FOCAD: variants seen among roughly 807,000 people sequenced by gnomAD.
FOCAD encodes KIAA1797.
Under a neutral mutation model 225.6 loss-of-function variants are expected in FOCAD, and 198 were observed. That is an observed-to-expected ratio of 0.88 (90% confidence interval 0.78 to 0.99). The LOEUF is 0.99. Ranked by LOEUF, FOCAD falls within the 50% of genes least tolerant of loss-of-function variation. The pLI, the probability that FOCAD is intolerant of heterozygous loss-of-function variation, is 0.00. For missense variants in FOCAD, 2,713 were observed against 2,123.6 expected (o/e 1.28, Z -5.46); for synonymous variants, 897 against 755.0 (o/e 1.19, Z -3.08).
intron 10 of FOCAD, among the ~76,000 whole-genome samples, chr9:20,785,234 A>G (rs1333391736): frequency 1.3e-5 from 2 of 152,196 alleles, no homozygotes; most frequent in Non-Finnish European, 2.9e-5. Flanking sequence ...TAATAGCTTT[A>G]TTGAAATGTA....
chr9:20,904,990 A>G (rs1449043902), intron 21 of FOCAD, among the ~76,000 whole-genome samples: 1 of 152,184 alleles, frequency 6.6e-6, no homozygotes, highest in East Asian at 1.9e-4. Flanking sequence ...AAAAATGGTC[A>G]GGGAAGTCCT....
At chr9:20,671,360 C>T (rs1822058174) in intron 2 of FOCAD, among the ~76,000 whole-genome samples, 1 of 152,090 alleles carries the variant, frequency 6.6e-6, no homozygotes, top group Admixed American at 6.5e-5. Flanking sequence ...TTCACTTCTC[C>T]AATTATTGTG....
intron 3 of FOCAD, 47 bp from the exon 4 acceptor site, chr9:20,720,333 G>A (rs1400678296): frequency 1.3e-6 from 2 of 1,586,846 alleles, no homozygotes; most frequent in Non-Finnish European, 1.7e-6. Flanking sequence ...GTGTGTGTGT[G>A]TTTGCTGCTC....
At chr9:20,753,597 T>C (rs1006155264) in intron 5 of FOCAD, among the ~76,000 whole-genome samples, 3 of 152,034 alleles carry the variant, frequency 2.0e-5, no homozygotes, top group African/African-American at 7.2e-5. Flanking sequence ...TCAATGTTCA[T>C]CAAGGATATT....
At chr9:20,809,537 C>G (rs1015884809) in intron 11 of FOCAD, among the ~76,000 whole-genome samples, 2 of 152,124 alleles carry the variant, frequency 1.3e-5, no homozygotes, top group Non-Finnish European at 2.9e-5. Context: ...TCTCTCTCTT[C>G]TTCTGAACAA....
intron 5 of FOCAD, among the ~76,000 whole-genome samples, chr9:20,744,802 A>G (rs529680835): frequency 1.4e-4 from 22 of 152,306 alleles, no homozygotes; most frequent in South Asian, 1.2e-3. Context: ...TAAAGTTTTT[A>G]TGTGAAATCT....
intron 27 of FOCAD, among the ~76,000 whole-genome samples, chr9:20,929,804 G>T (rs1017460054): frequency 6.6e-6 from 1 of 152,144 alleles, no homozygotes; most frequent in African/African-American, 2.4e-5. Context: ...GTATTTTAAG[G>T]GTTGCTAGTA....
At chr9:20,714,813 C>T (rs367927239) in intron 1 of FOCAD, among the ~76,000 whole-genome samples, 1 of 152,184 alleles carries the variant, frequency 6.6e-6, no homozygotes, top group East Asian at 1.9e-4. Flanking sequence ...CTTTAGGAAA[C>T]AGTCTGTTTT....
chr9:20,961,577 T>C (rs1385817151), intron 35 of FOCAD, among the ~76,000 whole-genome samples: 1 of 152,182 alleles, frequency 6.6e-6, no homozygotes. Context: ...CTGGGAAACA[T>C]ATGTTCTTGT....
intron 23 of FOCAD, among the ~76,000 whole-genome samples, 191 bp downstream of exon 23, chr9:20,913,145 TACACACACACACACAC>T (rs56856864): frequency 1.5e-4 from 21 of 137,334 alleles, no homozygotes; most frequent in East Asian, 6.6e-4. Flanking sequence ...AAATTATACA[TACACACACACACACAC>T]ACACACACAC....
At position 20,677,515 on chromosome 9, in the gene FOCAD, A is replaced by G. The variant is rs547016730; in HGVS notation, c.-77-17005A>G. 5.3e-5 allele frequency among the ~76,000 whole-genome samples: 8 copies of G among 152,276 alleles called. No individual in the cohort carries two copies. In the South Asian group the frequency reaches 1.7e-3, roughly 32 times the overall value. ...AATACAAAGAATTCAGCTTAATAGC[A>G]AAAAAACCAAATAACCTTATTAAAA... is the stretch of plus-strand genomic sequence containing the variant. On this transcript the variant is annotated intron_variant, in intron 2 of 45. Coordinates refer to the FOCAD transcript ENST00000380249.
At chr9:20,755,470 G>A (rs991070909) in intron 5 of FOCAD, among the ~76,000 whole-genome samples, 8 of 152,106 alleles carry the variant, frequency 5.3e-5, no homozygotes, top group African/African-American at 1.9e-4. Context: ...TTTTATTTCT[G>A]TTGACCTGAT....
At position 20,745,032 on chromosome 9, in the gene FOCAD, CTTTTT is replaced by C. The variant is rs1225695109; in HGVS notation, c.392+4694_392+4698del. On this transcript the variant is annotated intron_variant, in intron 5 of 43. Coordinates refer to ENST00000338382, the MANE Select transcript of FOCAD (RefSeq NM_001375567.1). ...TAGTTCAGACTTTCTTTTTTTCTCC[CTTTTT>C]TATTTGGTCTGAATTTTCTTTTGTT... is the stretch of plus-strand genomic sequence containing the variant. Among the ~76,000 whole-genome samples the C allele has an allele frequency of 2.0e-5, 3 of 151,932 alleles. No individual in the cohort carries two copies. In the South Asian group the frequency reaches 6.2e-4, roughly 32 times the overall value.
At position 20,788,373 on chromosome 9, in the gene FOCAD, A is replaced by G. The variant is rs140333577; in HGVS notation, c.1198-978A>G. Reference sequence around the variant, plus strand: ...GGGTTGATGAAAATGTTCTAAAATTAGATAGTGATGATGGTTGCACAGCTC... The same window carrying G: ...GGGTTGATGAAAATGTTCTAAAATTGGATAGTGATGATGGTTGCACAGCTC... On this transcript the variant is annotated intron_variant, in intron 10 of 43. Transcript: ENST00000338382. Among the ~76,000 whole-genome samples the G allele has an allele frequency of 1.7e-3, 259 of 152,298 alleles. 2 individuals are homozygous for G. The East Asian group carries it at 0.042, about 25-fold the overall frequency.
At chr9:20,859,869 G>T (rs948256462) in intron 15 of FOCAD, among the ~76,000 whole-genome samples, 1 of 151,860 alleles carries the variant, frequency 6.6e-6, no homozygotes, top group Non-Finnish European at 1.5e-5. Context: ...AATTTATAGA[G>T]ACAGAAAGTA....
intron 1 of FOCAD, among the ~76,000 whole-genome samples, chr9:20,688,747 G>A (rs1822806110): frequency 6.6e-6 from 1 of 152,162 alleles, no homozygotes; most frequent in Non-Finnish European, 1.5e-5. Context: ...GATAAGGAGG[G>A]AGAGAATCCA....
intron 15 of FOCAD, among the ~76,000 whole-genome samples, chr9:20,860,736 C>T (rs1367123102): frequency 1.3e-5 from 2 of 152,224 alleles, no homozygotes; most frequent in Non-Finnish European, 2.9e-5. Flanking sequence ...GTCTCGAACT[C>T]CTGACCTTAA....
chr9:20,924,484 A>G (rs1834756218), intron 25 of FOCAD, among the ~76,000 whole-genome samples: 1 of 152,188 alleles, frequency 6.6e-6, no homozygotes, highest in African/African-American at 2.4e-5. Context: ...AGGGATAACA[A>G]TGCTCACCAG....
intron 1 of FOCAD, among the ~76,000 whole-genome samples, chr9:20,688,418 AT>A (rs1486775552): frequency 6.6e-6 from 1 of 152,214 alleles, no homozygotes; most frequent in Non-Finnish European, 1.5e-5. Context: ...TAGGAATCAC[AT>A]GAGCAATATC....
Sources: gnomAD v4.1 joint callset for allele counts (sites outside exome capture counted in the v4.1 genomes callset) on GRCh38, gnomAD v4.1.1 for gene constraint, MANE v1.5 for transcripts, NCBI Gene and HGNC (gene_info 2026-07-23, HGNC 2026-07-21) for gene names.